Variants in DIAPH3 observed in about 807,000 individuals in gnomAD.
The protein encoded by DIAPH3 is diaphanous related formin 3.
Under a neutral mutation model 144.3 loss-of-function variants are expected in DIAPH3, and 117 were observed. The observed-to-expected ratio is 0.81, with a 90% CI of 0.70 to 0.95. DIAPH3 has a LOEUF of 0.95. DIAPH3 is among the 40% of genes least tolerant of loss of function. The pLI, the probability that DIAPH3 is intolerant of heterozygous loss-of-function variation, is 0.00. For missense variants in DIAPH3, 1,421 were observed against 1,412.7 expected (o/e 1.01, Z -0.09); for synonymous variants, 519 against 488.9 (o/e 1.06, Z -0.81).
chr13:59,778,272 A>G (rs915536854), intron 25 of DIAPH3, among the ~76,000 whole-genome samples: 1 of 152,166 alleles, frequency 6.6e-6, no homozygotes, highest in Admixed American at 6.5e-5. Flanking sequence ...GGTCTGTAAT[A>G]CATATACCAA....
chr13:60,025,060 C>T (rs1431023205), intron 5 of DIAPH3, among the ~76,000 whole-genome samples: 1 of 152,116 alleles, frequency 6.6e-6, no homozygotes, highest in East Asian at 1.9e-4. Context: ...GAAATCCAGG[C>T]TACCCACTTT....
At chr13:60,036,778 T>G (rs1433114651) in intron 5 of DIAPH3, among the ~76,000 whole-genome samples, 9 of 151,938 alleles carry the variant, frequency 5.9e-5, no homozygotes, top group Non-Finnish European at 1.0e-4. Flanking sequence ...CATGCAAATC[T>G]AAAAAACATA....
At chr13:59,932,957 T>C (rs528503277) in intron 17 of DIAPH3, among the ~76,000 whole-genome samples, 15 of 152,326 alleles carry the variant, frequency 9.8e-5, no homozygotes, top group Admixed American at 2.6e-4. Flanking sequence ...GTTTTGTTTG[T>C]TTTTTATTTT....
At chr13:59,745,733 A>C (rs1056564528) in intron 27 of DIAPH3, among the ~76,000 whole-genome samples, 1 of 152,222 alleles carries the variant, frequency 6.6e-6, no homozygotes, top group Non-Finnish European at 1.5e-5. Context: ...TCTCAGCTCC[A>C]GTGAACTGTC....
At chr13:59,871,203 G>C (rs760775471) in intron 21 of DIAPH3, among the ~76,000 whole-genome samples, 5 of 144,488 alleles carry the variant, frequency 3.5e-5, no homozygotes, top group South Asian at 2.3e-4. Context: ...TTTGGGGGGG[G>C]GGGTGGCGGG....
At chr13:59,923,622 T>G (rs2047619911) in intron 18 of DIAPH3, among the ~76,000 whole-genome samples, 1 of 152,088 alleles carries the variant, frequency 6.6e-6, no homozygotes, top group Non-Finnish European at 1.5e-5. Flanking sequence ...ATGAAATGCT[T>G]CCACCCCAAA....
At chr13:60,070,199 CAGTT>C (rs1303096748) in intron 4 of DIAPH3, among the ~76,000 whole-genome samples, 1 of 150,714 alleles carries the variant, frequency 6.6e-6, no homozygotes, top group Non-Finnish European at 1.5e-5. Context: ...GTTCATGTCT[CAGTT>C]AGCTGCATTC....
At chr13:59,700,847 T>A (rs2138749084) in intron 27 of DIAPH3, among the ~76,000 whole-genome samples, 1 of 152,318 alleles carries the variant, frequency 6.6e-6, no homozygotes. Context: ...AAAGAGTAGA[T>A]TATTTTAGTA....
intron 27 of DIAPH3, among the ~76,000 whole-genome samples, chr13:59,688,369 T>C (rs542115082): frequency 4.3e-4 from 65 of 152,172 alleles, no homozygotes; most frequent in Non-Finnish European, 1.9e-4. Flanking sequence ...AAAGTGCACC[T>C]GAATAATCAA....
chr13:59,931,108 A>C (rs531335086), intron 17 of DIAPH3, among the ~76,000 whole-genome samples: 19 of 152,312 alleles, frequency 1.2e-4, no homozygotes, highest in Admixed American at 3.3e-4. Context: ...CAGCTTAAAA[A>C]ATGGGAATGT....
intron 24 of DIAPH3, among the ~76,000 whole-genome samples, chr13:59,825,199 C>G (rs935613316): frequency 1.3e-5 from 2 of 152,006 alleles, no homozygotes; most frequent in African/African-American, 2.4e-5. Context: ...CCCCCTACCC[C>G]ACAACAGTCC....
At chr13:60,106,498 C>T (rs901375797) in intron 3 of DIAPH3, among the ~76,000 whole-genome samples, 2 of 152,040 alleles carry the variant, frequency 1.3e-5, no homozygotes, top group African/African-American at 4.8e-5. Flanking sequence ...ACAAAAAGGA[C>T]AAACCATAAA....
In DIAPH3 at chr13:59,896,690, G is replaced by A. The variant is rs12857639; in HGVS notation, c.2367+15045C>T. Among the ~76,000 whole-genome samples the A allele has an allele frequency of 1.4e-3, 208 of 152,220 alleles. 1 individual carries two copies. Among genetic ancestry groups the A allele is most frequent in the Non-Finnish European group, 2.5e-3 (169 of 68,004 alleles). Reference sequence around the variant, plus strand: ...GTTGATTTTAATTTCAGGGGATTCCGAGAAATCCGGGATACCTAGTCAGAG... The same window carrying A: ...GTTGATTTTAATTTCAGGGGATTCCAAGAAATCCGGGATACCTAGTCAGAG... On this transcript the variant is annotated intron_variant, in intron 20 of 27. Transcript: ENST00000400324.
intron 27 of DIAPH3, among the ~76,000 whole-genome samples, chr13:59,676,207 T>G (rs1466445220): frequency 6.6e-6 from 1 of 152,254 alleles, no homozygotes; most frequent in African/African-American, 2.4e-5. Context: ...TTACATTTAG[T>G]TAGCATCCTA....
At chr13:60,119,193 T>A (rs908305554) in intron 2 of DIAPH3, among the ~76,000 whole-genome samples, 2 of 152,144 alleles carry the variant, frequency 1.3e-5, no homozygotes, top group Non-Finnish European at 2.9e-5. Context: ...CTTGGGAGTA[T>A]GCCAGCTGCC....
chr13:59,937,548 A>G (rs1332126623), intron 17 of DIAPH3, among the ~76,000 whole-genome samples: 2 of 152,242 alleles, frequency 1.3e-5, no homozygotes, highest in Non-Finnish European at 2.9e-5. Context: ...GCAATGCCAC[A>G]TTAAATCATA....
intron 17 of DIAPH3, among the ~76,000 whole-genome samples, chr13:59,960,289 T>C (rs1170041962): frequency 1.3e-5 from 2 of 152,174 alleles, no homozygotes; most frequent in East Asian, 1.9e-4. Context: ...TTGTCACCAG[T>C]TTAGGAAACA....
At chr13:59,762,392 G>C (rs117391432) in intron 27 of DIAPH3, among the ~76,000 whole-genome samples, 6,634 of 152,140 alleles carry the variant, frequency 0.044, 232 homozygotes, top group South Asian at 0.1. Flanking sequence ...AAGCTTGTTA[G>C]TGAGATACAT....
At chr13:59,784,971 T>C (rs1357612055) in intron 25 of DIAPH3, among the ~76,000 whole-genome samples, 3 of 152,206 alleles carry the variant, frequency 2.0e-5, no homozygotes, top group African/African-American at 4.8e-5. Context: ...CCCAGTTCAG[T>C]CTTTAACTAG....
Sources: allele counts gnomAD v4.1 joint callset (sites outside exome capture counted in the v4.1 genomes callset), GRCh38; gene constraint gnomAD v4.1.1; transcripts MANE v1.5; gene names NCBI Gene and HGNC (gene_info 2026-07-23, HGNC 2026-07-21).